Variants in ZNF280D observed in about 807,000 individuals in gnomAD.
The protein encoded by ZNF280D is zinc finger protein 280D.
ZNF280D carries 39 observed loss-of-function variants against 94.7 expected under a neutral mutation model. That is an observed-to-expected ratio of 0.41 (90% CI 0.32 to 0.54). The LOEUF (loss-of-function observed/expected upper bound fraction) is 0.54. Ranked by LOEUF, ZNF280D falls within the 20% of genes least tolerant of loss-of-function variation. The pLI is 0.22. For synonymous variants in ZNF280D, 398 were observed against 377.6 expected (o/e 1.05, Z -0.63); for missense variants, 1,090 against 1,149.3 (o/e 0.95, Z 0.75).
At chr15:56,653,297 G>C in intron 19 of ZNF280D, 1 of 1,213,480 alleles carries the variant, frequency 8.2e-7, no homozygotes, top group Non-Finnish European at 1.0e-6. Context: ...GCTTTTCTTG[G>C]TCATAACTGA....
At chr15:56,714,701 T>G (rs1242343212) in intron 1 of ZNF280D, among the ~76,000 whole-genome samples, 1 of 152,186 alleles carries the variant, frequency 6.6e-6, no homozygotes, top group Non-Finnish European at 1.5e-5. Context: ...TGAAGGTAAC[T>G]TATCAAAGAA....
At chr15:56,695,370 G>A (rs947243961) in intron 6 of ZNF280D, among the ~76,000 whole-genome samples, 1 of 152,022 alleles carries the variant, frequency 6.6e-6, no homozygotes, top group African/African-American at 2.4e-5. Flanking sequence ...ACTATGCCCA[G>A]CCGGTTCACC....
chr15:56,642,260 G>GCTGC (rs1161090173), intron 20 of ZNF280D, among the ~76,000 whole-genome samples: 2 of 151,780 alleles, frequency 1.3e-5, no homozygotes, highest in African/African-American at 4.8e-5. Context: ...ACAAAAGAAA[G>GCTGC]CTGCTTGGAA....
At chr15:56,677,481 A>G in intron 12 of ZNF280D, 93 bp downstream of exon 12, 1 of 824,166 alleles carries the variant, frequency 1.2e-6, no homozygotes, top group Non-Finnish European at 2.0e-6. Flanking sequence ...GTTATGCATA[A>G]GTTTGCTGAC....
intron 1 of ZNF280D, among the ~76,000 whole-genome samples, chr15:56,727,454 G>C (rs1332462817): frequency 6.6e-6 from 1 of 151,930 alleles, no homozygotes; most frequent in Non-Finnish European, 1.5e-5. Context: ...AGCAAGACAC[G>C]GTCTCAAAAA....
rs1220943477 is a variant in ZNF280D, at chr15:56,630,496, G to A, written c.*1002C>T. 6.6e-6 allele frequency: 1 copy of A among 151,920 alleles called. No homozygotes were observed. The highest frequency in any genetic ancestry group is 2.4e-5 in the African/African-American group (1 of 41,372). 9.4% of individuals were successfully genotyped at this position (151,920 alleles called of 1,614,324 possible). A position where few individuals can be genotyped will look rare whatever the true frequency, so the allele number is the denominator to read the frequency against. Reference sequence around the variant, plus strand: ...CCAGTTCTTTTACATCACTGTTTTAGGTCCCATTTGAAGTTTTTATTTTAC... The same window carrying A: ...CCAGTTCTTTTACATCACTGTTTTAAGTCCCATTTGAAGTTTTTATTTTAC... On this transcript the variant is annotated 3_prime_UTR_variant, in exon 22 of 22. Transcript: ENST00000267807.
At chr15:56,728,953 G>A (rs1290057075) in intron 1 of ZNF280D, among the ~76,000 whole-genome samples, 2 of 152,164 alleles carry the variant, frequency 1.3e-5, no homozygotes, top group African/African-American at 2.4e-5. Flanking sequence ...AGTATGTTAG[G>A]TGTATTAAAT....
At chr15:56,680,579 C>T (rs374681324) in intron 10 of ZNF280D, among the ~76,000 whole-genome samples, 1 of 149,994 alleles carries the variant, frequency 6.7e-6, no homozygotes, top group African/African-American at 2.5e-5. Context: ...CAGACTCAAG[C>T]GATCCTCCCA....
chr15:56,676,969 C>A (rs890270383), intron 12 of ZNF280D, among the ~76,000 whole-genome samples, 153 bp from the exon 13 acceptor site: 18 of 152,142 alleles, frequency 1.2e-4, no homozygotes, highest in African/African-American at 4.3e-4. Context: ...TAAGGCAACA[C>A]CAAAAGACCA....
rs2054598011 is a variant in ZNF280D, at chr15:56,669,889, TATATATATATATAATATATATATA to T, written c.1411-956_1411-933del. ...ATATATATTTTATATATATATATAT[TATATATATATATAATATATATATA>T]TTATATATATATTATATATATATTA... On this transcript the variant is annotated intron_variant, in intron 13 of 21. Coordinates refer to ENST00000267807, the MANE Select transcript of ZNF280D (RefSeq NM_017661.4). 1.0e-3 allele frequency among the ~76,000 whole-genome samples: 2 copies of T among 1,946 alleles called. 1 individual carries two copies. Among genetic ancestry groups the T allele is most frequent in the Non-Finnish European group, 2.8e-3 (2 of 716 alleles). 1.3% of individuals were successfully genotyped at this position (1,946 alleles called of 152,430 possible).
intron 7 of ZNF280D, 122 bp downstream of exon 7, chr15:56,692,976 C>A: frequency 3.5e-6 from 2 of 563,538 alleles, no homozygotes; most frequent in Non-Finnish European, 6.4e-6. Context: ...AGTGACGTTC[C>A]ACCTTACAAT....
chr15:56,664,516 T>C (rs1056147478), intron 16 of ZNF280D, among the ~76,000 whole-genome samples: 2 of 152,154 alleles, frequency 1.3e-5, no homozygotes, highest in African/African-American at 4.8e-5. Flanking sequence ...TAATGTCTGA[T>C]TGAAGGTAAC....
In ZNF280D at chr15:56,704,152, G is replaced by A. The variant is rs76249610; in HGVS notation, c.144C>T (p.Gly48=). ...TTGCTGGTTTTGAACTTGATATCTC[G>A]CCAACAAAGATTGGCTCATCATCAT... ...DDDDDEPIFV[G]EISSSKPAIS... Residue 48 remains glycine, a synonymous_variant, in exon 4 of 22, where the codon GGC becomes GGT. Transcript: ENST00000267807. The A allele has an allele frequency of 1.3e-3, 2,124 of 1,613,346 alleles. 24 individuals are homozygous for A. The African/African-American group carries it at 0.024, about 18-fold the overall frequency.
At chr15:56,719,886 T>TAAAAAAA (rs35398429) in intron 1 of ZNF280D, among the ~76,000 whole-genome samples, 7 of 101,718 alleles carry the variant, frequency 6.9e-5, no homozygotes, top group Admixed American at 3.1e-4. Context: ...ACTTTATTGC[T>TAAAAAAA]AAAAAAAAAA....
intron 15 of ZNF280D, 27 bp from the exon 16 acceptor site, chr15:56,666,562 A>G (rs2054301646): frequency 6.4e-7 from 1 of 1,555,256 alleles, no homozygotes; most frequent in African/African-American, 1.4e-5. Flanking sequence ...AAAAATGATA[A>G]AAATATATTT....
At chr15:56,718,448 G>A (rs1031119487) in intron 1 of ZNF280D, among the ~76,000 whole-genome samples, 1 of 152,086 alleles carries the variant, frequency 6.6e-6, no homozygotes, top group African/African-American at 2.4e-5. Context: ...AAATATTATA[G>A]CATCATGATA....
Position 56,666,441 on chromosome 15 carries a change from T to C in ZNF280D, c.1948A>G (p.Arg650Gly). ...GCTTTGCTACAGCTAGTGTTGTATC[T>C]GCAAAAACTACAGTGGACGTACGTA... is the stretch of plus-strand genomic sequence containing the variant. ...FPTYVHCSFC[R>G]YNTSCSKAYV... The change falls in exon 16 of 22, where the codon AGA becomes GGA. Residue 650 changes from arginine to glycine, a missense_variant. Arg to Gly is a moderately radical substitution (Grantham distance 125). Around this residue, in one of 3 missense-constraint regions of ZNF280D, gnomAD observed 577 missense variants for 568.8 expected, o/e 1.01. Coordinates refer to ENST00000267807, the MANE Select transcript of ZNF280D (RefSeq NM_017661.4). 6.2e-7 allele frequency: 1 copy of C among 1,605,898 alleles called. No individual in the cohort carries two copies. The highest frequency in any genetic ancestry group is 1.3e-5 in the African/African-American group (1 of 74,466).
At chr15:56,720,431 G>C (rs1338849352) in intron 1 of ZNF280D, among the ~76,000 whole-genome samples, 2 of 152,066 alleles carry the variant, frequency 1.3e-5, no homozygotes, top group Non-Finnish European at 2.9e-5. Context: ...CTGAAACCTT[G>C]AAACTCTCAA....
At chr15:56,723,670 C>T (rs2058487883) in intron 1 of ZNF280D, among the ~76,000 whole-genome samples, 2 of 151,986 alleles carry the variant, frequency 1.3e-5, no homozygotes, top group African/African-American at 4.8e-5. Flanking sequence ...ATTCCCCAAC[C>T]CTATAGACTT....
Sources: allele counts gnomAD v4.1 joint callset (sites outside exome capture counted in the v4.1 genomes callset), GRCh38; gene constraint gnomAD v4.1.1; regional missense constraint gnomAD v4.1.1; transcripts MANE v1.5; gene names NCBI Gene and HGNC (gene_info 2026-07-23, HGNC 2026-07-21).